Variants in PCDH9 observed in about 807,000 individuals in gnomAD.
PCDH9 encodes protocadherin 9, also known as protocadherin-9.
A neutral mutation model predicts 70.6 loss-of-function variants in PCDH9; 24 were observed. The ratio of observed to expected loss-of-function variants is 0.34; its 90% CI spans 0.25 to 0.48. The LOEUF (loss-of-function observed/expected upper bound fraction) is 0.48, where lower values mean the gene tolerates loss of function less well. PCDH9 is among the 20% of genes least tolerant of loss of function. The pLI, the probability that PCDH9 is intolerant of heterozygous loss-of-function variation, is 0.99. For missense variants in PCDH9, 1,281 were observed against 1,503.6 expected (o/e 0.85, Z 2.45); for synonymous variants, 562 against 558.5 (o/e 1.01, Z -0.09).
chr13:67,180,072 G>T (rs1224921879), intron 2 of PCDH9, among the ~76,000 whole-genome samples: 1 of 151,602 alleles, frequency 6.6e-6, no homozygotes, highest in African/African-American at 2.4e-5. Context: ...ATATCTCTTA[G>T]AATTTTTTCT....
intron 4 of PCDH9, among the ~76,000 whole-genome samples, chr13:66,457,869 C>G (rs1958350945): frequency 6.6e-6 from 1 of 151,838 alleles, no homozygotes; most frequent in African/African-American, 2.4e-5. Context: ...GGCTTAAAAT[C>G]TAGATACATG....
At chr13:66,965,916 A>G (rs1005127101) in intron 2 of PCDH9, among the ~76,000 whole-genome samples, 1 of 152,104 alleles carries the variant, frequency 6.6e-6, no homozygotes, top group Non-Finnish European at 1.5e-5. Context: ...ATACCAAGTC[A>G]TATATTAAGA....
intron 2 of PCDH9, among the ~76,000 whole-genome samples, chr13:66,999,795 A>G (rs1440308530): frequency 1.3e-5 from 2 of 152,174 alleles, no homozygotes; most frequent in Admixed American, 6.5e-5. Flanking sequence ...ACCATCTCAC[A>G]CCAGTTAGAA....
chr13:66,798,442 A>G (rs2080278466), intron 3 of PCDH9, among the ~76,000 whole-genome samples: 1 of 152,066 alleles, frequency 6.6e-6, no homozygotes, highest in African/African-American at 2.4e-5. Context: ...CTGAATCTAG[A>G]CAAAAGACTA....
At chr13:67,188,932 C>T (rs955649473) in intron 2 of PCDH9, among the ~76,000 whole-genome samples, 1 of 151,964 alleles carries the variant, frequency 6.6e-6, no homozygotes, top group African/African-American at 2.4e-5. Flanking sequence ...TTATCCCTCA[C>T]CCACTTCCCA....
In PCDH9 at chr13:66,978,946, A is replaced by C. The variant is rs141656473; in HGVS notation, c.3037-75341T>G. ...ATAGATATATATGTACTGTTATATA[A>C]AGTTATGAAGGCCAAAAATCTTATA... is the stretch of plus-strand genomic sequence containing the variant. On this transcript the variant is annotated intron_variant, in intron 2 of 4. Coordinates refer to ENST00000377865, the MANE Select transcript of PCDH9 (RefSeq NM_203487.3). 4.8e-4 allele frequency among the ~76,000 whole-genome samples: 73 copies of C among 151,864 alleles called. 1 individual carries two copies. Among genetic ancestry groups the C allele is most frequent in the African/African-American group, 1.6e-3 (67 of 41,518 alleles).
intron 2 of PCDH9, among the ~76,000 whole-genome samples, chr13:67,042,220 A>C (rs550168832): frequency 4.3e-4 from 65 of 152,232 alleles, no homozygotes; most frequent in African/African-American, 1.6e-3. Flanking sequence ...TGTGTGTGTT[A>C]GTCCACTTTC....
chr13:66,339,019 T>C (rs914344477), intron 4 of PCDH9, among the ~76,000 whole-genome samples: 1 of 152,100 alleles, frequency 6.6e-6, no homozygotes, highest in Non-Finnish European at 1.5e-5. Context: ...TTTGAGATTA[T>C]TAATGAAAAC....
chr13:66,422,277 G>C (rs371247953), intron 4 of PCDH9, among the ~76,000 whole-genome samples: 13 of 151,938 alleles, frequency 8.6e-5, no homozygotes, highest in African/African-American at 1.2e-4. Flanking sequence ...AAGGATATTC[G>C]GGACTTCAAT....
chr13:66,393,827 T>A (rs1957059681), intron 4 of PCDH9, among the ~76,000 whole-genome samples: 1 of 152,172 alleles, frequency 6.6e-6, no homozygotes, highest in Non-Finnish European at 1.5e-5. Flanking sequence ...CTGAAGTTCA[T>A]TTATCTTTGG....
intron 2 of PCDH9, among the ~76,000 whole-genome samples, chr13:67,194,325 A>T (rs2089000153): frequency 6.6e-6 from 1 of 151,978 alleles, no homozygotes; most frequent in Admixed American, 6.6e-5. Context: ...ACAAAAATTC[A>T]ATCATGACTG....
At chr13:67,143,576 T>TAAC (rs1406060286) in intron 2 of PCDH9, among the ~76,000 whole-genome samples, 1 of 151,736 alleles carries the variant, frequency 6.6e-6, no homozygotes, top group Non-Finnish European at 1.5e-5. Context: ...CTAGCCAAAA[T>TAAC]AATAATAATA....
chr13:67,204,720 C>A (rs1167991107), intron 2 of PCDH9: 1 of 152,126 alleles, frequency 6.6e-6, no homozygotes, highest in African/African-American at 2.4e-5. Context: ...AATTAATTTT[C>A]TTTTTCACAA....
intron 4 of PCDH9, among the ~76,000 whole-genome samples, chr13:66,431,266 G>T (rs1404926490): frequency 1.3e-5 from 2 of 151,942 alleles, no homozygotes; most frequent in Non-Finnish European, 2.9e-5. Flanking sequence ...CATCCTCTAT[G>T]TGTAAGAAAT....
intron 2 of PCDH9, among the ~76,000 whole-genome samples, chr13:67,198,074 A>AG (rs2089118763): frequency 6.6e-6 from 1 of 151,654 alleles, no homozygotes. Context: ...TAGTTGTTCA[A>AG]TGATTTTTAT....
At chr13:66,690,714 A>G (rs899415039) in intron 3 of PCDH9, among the ~76,000 whole-genome samples, 6 of 152,210 alleles carry the variant, frequency 3.9e-5, no homozygotes, top group Admixed American at 3.9e-4. Flanking sequence ...TCCAGAGGAT[A>G]GATGTCAAAA....
intron 4 of PCDH9, among the ~76,000 whole-genome samples, chr13:66,542,933 G>C (rs1310176163): frequency 6.6e-6 from 1 of 150,874 alleles, no homozygotes; most frequent in Admixed American, 6.6e-5. Flanking sequence ...CATAATAAAG[G>C]AAATTTTCAA....
intron 2 of PCDH9, among the ~76,000 whole-genome samples, chr13:67,027,420 A>G (rs1313032345): frequency 6.6e-6 from 1 of 152,230 alleles, no homozygotes; most frequent in African/African-American, 2.4e-5. Context: ...AATTAATTCA[A>G]GATGGATTAA....
intron 3 of PCDH9, among the ~76,000 whole-genome samples, chr13:66,701,429 G>A (rs1165324485): frequency 2.6e-5 from 4 of 152,004 alleles, no homozygotes; most frequent in Non-Finnish European, 5.9e-5. Context: ...GTGCATATAT[G>A]CATATGTACA....
Sources: gnomAD v4.1 joint callset for allele counts (sites outside exome capture counted in the v4.1 genomes callset) on GRCh38, gnomAD v4.1.1 for gene constraint, MANE v1.5 for transcripts, NCBI Gene and HGNC (gene_info 2026-07-23, HGNC 2026-07-21) for gene names.